Variants in FREM2 observed in about 807,000 individuals in gnomAD.
FREM2 encodes the protein FRAS1-related extracellular matrix protein 2.
Under a neutral mutation model 219.9 loss-of-function variants are expected in FREM2, and 119 were observed. The ratio of observed to expected loss-of-function variants is 0.54; its 90% CI spans 0.47 to 0.63. FREM2 has a LOEUF of 0.63. Among genes scored for constraint, FREM2 ranks in the 30% least tolerant of loss-of-function variants. The pLI, the probability that FREM2 is intolerant of heterozygous loss-of-function variation, is 0.00. For missense variants in FREM2, 4,030 were observed against 3,993.6 expected, an observed-to-expected ratio of 1.01 and a Z score of -0.25; for synonymous variants, 1,562 against 1,522.8, an observed-to-expected ratio of 1.03 and a Z score of -0.60.
intron 1 of FREM2, 141 bp downstream of exon 1, chr13:38,692,658 T>C (rs1869945093): frequency 1.0e-6 from 1 of 981,384 alleles, no homozygotes; most frequent in African/African-American, 1.6e-5. Flanking sequence ...AGGGACTCAC[T>C]TTCCTAGGAG....
chr13:38,815,569 T>A (rs1205438737), intron 6 of FREM2, among the ~76,000 whole-genome samples: 1 of 152,190 alleles, frequency 6.6e-6, no homozygotes, highest in African/African-American at 2.4e-5. Context: ...AACAACTATA[T>A]GCCAACAAAT....
chr13:38,692,594 CATTAA>C (rs1175822000), intron 1 of FREM2, 77 bp downstream of exon 1: 1 of 1,507,388 alleles, frequency 6.6e-7, no homozygotes, highest in Non-Finnish European at 9.1e-7. Flanking sequence ...ACAAACAGAG[CATTAA>C]ATTAGAGTCC....
chr13:38,861,986 T>G (rs759786259), intron 15 of FREM2, among the ~76,000 whole-genome samples: 1 of 152,220 alleles, frequency 6.6e-6, no homozygotes, highest in Non-Finnish European at 1.5e-5. Context: ...TTCCAAGATA[T>G]TTAAATAAAA....
At chr13:38,854,440 C>G (rs1471918943) in intron 11 of FREM2, among the ~76,000 whole-genome samples, 1 of 152,102 alleles carries the variant, frequency 6.6e-6, no homozygotes, top group African/African-American at 2.4e-5. Context: ...CAAGCCCATT[C>G]CTTGCCAAGA....
chr13:38,739,654 C>G (rs966921872), intron 2 of FREM2, among the ~76,000 whole-genome samples: 19 of 152,122 alleles, frequency 1.2e-4, no homozygotes, highest in Admixed American at 1.2e-3. Context: ...TTCACTGGCT[C>G]TTTCGTGGTC....
intron 4 of FREM2, among the ~76,000 whole-genome samples, chr13:38,770,082 A>G (rs1408404803): frequency 4.7e-5 from 7 of 147,996 alleles, no homozygotes; most frequent in Non-Finnish European, 1.0e-4. Context: ...ATATATAAAC[A>G]TAATTATATT....
rs1349149002 is a variant in FREM2 at position 38,814,781 on chromosome 13, G to T, written c.6019+29973G>T. On this transcript the variant is annotated intron_variant, in intron 6 of 23. Coordinates refer to ENST00000280481, the MANE Select transcript of FREM2 (RefSeq NM_207361.6). Reference sequence around the variant, plus strand: ...GTTAAGCTGATATTCAAACCACAATGCAAAGTGCTTGCTGCTCTTCTCTCC... The same window carrying T: ...GTTAAGCTGATATTCAAACCACAATTCAAAGTGCTTGCTGCTCTTCTCTCC... Among the ~76,000 whole-genome samples, 5 of 152,136 alleles carry T rather than the reference G, an allele frequency of 3.3e-5. No individual in the cohort carries two copies. The East Asian group carries it at 9.6e-4, about 29-fold the overall frequency.
rs1877383323 is a variant in FREM2 at position 38,851,838 on chromosome 13, T to C, written c.6895T>C (p.Ser2299Pro). 2.7e-5 allele frequency: 43 copies of C among 1,613,770 alleles called. No homozygotes were observed. Among genetic ancestry groups the C allele is most frequent in the Non-Finnish European group, 3.6e-5 (43 of 1,179,912 alleles). Residue 2299 changes from serine (S) to proline (P), a missense_variant, in exon 11 of 24, where the codon TCT becomes CCT. Physicochemically the swap from Ser to Pro is moderately conservative, Grantham distance 74. Transcript: ENST00000280481. ...RVHTKDGSAT[S>P]GEDYHPVSEE... is the part of the protein sequence containing the mutation. ...CCACACCAAGGATGGCTCGGCCACC[T>C]CTGGAGAAGACTACCACCCTGTGTC...
rs754866536 is a variant in FREM2, at chr13:38,859,337, A to G, written c.7266A>G (p.Ala2422=). Residue 2422 remains alanine (A), a synonymous_variant, in exon 14 of 24, where the codon GCA becomes GCG. Coordinates refer to ENST00000280481, the MANE Select transcript of FREM2 (RefSeq NM_207361.6). ...SDYDKTGSIC[A]SENINDTLTR... ...ACGATAAAACAGGCTCTATCTGTGC[A>G]AGTGAGAACATCAATGACACTTTGA... 6.2e-7 allele frequency: 1 copy of G among 1,614,212 alleles called. No homozygotes were observed. Among genetic ancestry groups the G allele is most frequent in the Non-Finnish European group, 8.5e-7 (1 of 1,180,038 alleles).
Position 38,689,353 on chromosome 13 carries a change from T to G in FREM2, c.2009T>G (p.Phe670Cys), listed in dbSNP as rs781169597. 1.9e-6 allele frequency: 3 copies of G among 1,613,868 alleles called. No homozygotes were observed. In the African/African-American group the frequency reaches 4.0e-5, roughly 22 times the overall value. ...AGTCCTGGGCCAGTCACAGACCAGT[T>G]CACATTTAGAGTCCAGGATAACCAT... The part of the protein sequence containing the change: ...PHSPGPVTDQ[F>C]TFRVQDNHDP... The change falls in exon 1 of 24, where the codon TTC becomes TGC. Residue 670 changes from phenylalanine to cysteine, a missense_variant. Physicochemically the swap from Phe to Cys is radical, Grantham distance 205. Coordinates refer to ENST00000280481, the MANE Select transcript of FREM2 (RefSeq NM_207361.6).
At chr13:38,779,745 C>T (rs1874041167) in intron 4 of FREM2, among the ~76,000 whole-genome samples, 1 of 152,228 alleles carries the variant, frequency 6.6e-6, no homozygotes. Context: ...TTCACTGGAA[C>T]AGTTCTGGTG....
intron 7 of FREM2, among the ~76,000 whole-genome samples, chr13:38,848,226 T>C (rs956945940): frequency 2.6e-5 from 4 of 152,138 alleles, no homozygotes; most frequent in Non-Finnish European, 4.4e-5. Flanking sequence ...AAATAATGAA[T>C]CCAAAGTCTA....
chr13:38,853,159 C>A (rs1442194636), intron 11 of FREM2, among the ~76,000 whole-genome samples: 1 of 151,702 alleles, frequency 6.6e-6, no homozygotes, highest in Non-Finnish European at 1.5e-5. Context: ...AAAACCCCGT[C>A]TCTACTAAAA....
intron 12 of FREM2, among the ~76,000 whole-genome samples, chr13:38,857,134 T>A (rs1242193254): frequency 1.3e-5 from 2 of 152,124 alleles, no homozygotes; most frequent in South Asian, 4.1e-4. Flanking sequence ...TTTTATGGAG[T>A]AGCGTATGAA....
At chr13:38,831,125 C>T (rs919786971) in intron 6 of FREM2, among the ~76,000 whole-genome samples, 1 of 152,100 alleles carries the variant, frequency 6.6e-6, no homozygotes, top group African/African-American at 2.4e-5. Flanking sequence ...ATTAGTAGGT[C>T]ATGACCAGTT....
Position 38,878,874 on chromosome 13 carries a change from T to C in FREM2, c.8903T>C (p.Val2968Ala), listed in dbSNP as rs1442282112. ...PETQATSFGN[V>A]LFNAKLAVDD... is the part of the protein sequence containing the mutation. ...ACACAAGCGACCAGTTTTGGAAATG[T>C]CCTATTTAATGCCAAACTAGCAGTG... The change falls in exon 23 of 24, where the codon GTC becomes GCC. Residue 2968 changes from valine to alanine, a missense_variant. Val to Ala is a moderately conservative substitution (Grantham distance 64, BLOSUM62 0). Around this residue, in one of 2 missense-constraint regions of FREM2, gnomAD observed 928 missense variants for 1,042.9 expected, o/e 0.89. Transcript: ENST00000280481. 6.2e-7 allele frequency: 1 copy of C among 1,614,154 alleles called. No individual in the cohort carries two copies. The highest frequency in any genetic ancestry group is 1.1e-5 in the South Asian group (1 of 91,092).
chr13:38,877,239 A>C lies in FREM2; in HGVS notation c.8667A>C (p.Ala2889=), dbSNP rs1194980305. The C allele has an allele frequency of 1.2e-6, 2 of 1,613,898 alleles. No individual in the cohort carries two copies. The highest frequency in any genetic ancestry group is 1.7e-5 in the Admixed American group (1 of 60,004). Reference sequence around the variant, plus strand: ...GGCAAGAGAGTGATGTTGCTTTTGCAGAAGGTATCACTTTACAAATGAGAG... The same window carrying C: ...GGCAAGAGAGTGATGTTGCTTTTGCCGAAGGTATCACTTTACAAATGAGAG... ...GFGQESDVAF[A]EGDIIYGRVM... Residue 2889 remains alanine (A), a synonymous_variant, in exon 21 of 24, where the codon GCA becomes GCC. Transcript: ENST00000280481.
intron 4 of FREM2, among the ~76,000 whole-genome samples, chr13:38,774,681 T>C (rs141217044): frequency 6.6e-6 from 1 of 152,286 alleles, no homozygotes; most frequent in South Asian, 2.1e-4. Context: ...TAAGGGAAAA[T>C]ATACAAGAGC....
Position 38,687,732 on chromosome 13 carries a change from G to T in FREM2, c.388G>T (p.Asp130Tyr). 1 of 1,547,054 alleles carries T rather than the reference G, an allele frequency of 6.5e-7. No homozygotes were observed. Among genetic ancestry groups the T allele is most frequent in the Non-Finnish European group, 8.7e-7 (1 of 1,144,016 alleles). The change falls in exon 1 of 24, where the codon GAC (aspartate) becomes TAC (tyrosine). Residue 130 changes from aspartate to tyrosine, a missense_variant. Transcript: ENST00000280481. ...GRLSPKRFPCDFGPGEVRYSH... is the reference protein window; with the variant it reads ...GRLSPKRFPCYFGPGEVRYSH... ...CCTGAGTCCCAAGCGCTTCCCGTGCGACTTTGGCCCTGGCGAGGTGCGCTA... is the reference window on the plus strand; with the variant it reads ...CCTGAGTCCCAAGCGCTTCCCGTGCTACTTTGGCCCTGGCGAGGTGCGCTA...
Sources: gnomAD v4.1 joint callset for allele counts (sites outside exome capture counted in the v4.1 genomes callset) on GRCh38, gnomAD v4.1.1 for gene constraint, gnomAD v4.1.1 regional missense constraint, MANE v1.5 for transcripts, NCBI Gene and HGNC (gene_info 2026-07-23, HGNC 2026-07-21) for gene names.